IGSF9B: variants seen among roughly 807,000 people sequenced by gnomAD.
IGSF9B encodes protein turtle homolog B.
IGSF9B carries 48 observed loss-of-function variants against 143.7 expected under a neutral mutation model. The observed-to-expected ratio is 0.33, with a 90% confidence interval of 0.26 to 0.42. IGSF9B has a LOEUF of 0.42. IGSF9B is among the 20% of genes least tolerant of loss of function. The pLI is 1.00. For synonymous variants in IGSF9B, 903 were observed against 833.1 expected, an observed-to-expected ratio of 1.08 and a Z score of -1.44; for missense variants, 1,706 against 1,980.0, an observed-to-expected ratio of 0.86 and a Z score of 2.63.
chr11:133,909,380 G>T lies in IGSF9B; in HGVS notation c.4106-103C>A. On this transcript the variant is annotated intron_variant, in intron 19 of 19. Coordinates refer to ENST00000533871, the MANE Select transcript of IGSF9B (RefSeq NM_001277285.4). This position sits in a 1 kb window ranked among gnomAD's most constrained non-coding sequence, Gnocchi z 4.2. ...CCTGCATTTGTTCCGGGTTTCTAAT[G>T]TTGAAACAAAGGAATCACCTGAGTC... 1 of 956,302 alleles carries T rather than the reference G, an allele frequency of 1.0e-6. No homozygotes were observed. The highest frequency in any genetic ancestry group is 1.6e-6 in the Non-Finnish European group (1 of 631,640). 59.2% of individuals were successfully genotyped at this position (956,302 alleles called of 1,614,324 possible). A position where few individuals can be genotyped will look rare whatever the true frequency, so the allele number is the denominator to read the frequency against.
chr11:133,938,252 A>T (rs1322583904), intron 3 of IGSF9B, among the ~76,000 whole-genome samples: 3 of 152,094 alleles, frequency 2.0e-5, no homozygotes, highest in Non-Finnish European at 4.4e-5. Flanking sequence ...GCCTGCTCCC[A>T]GCTCCTCAGG....
intron 3 of IGSF9B, among the ~76,000 whole-genome samples, chr11:133,938,380 C>T (rs1939864483): frequency 6.6e-6 from 1 of 152,138 alleles, no homozygotes; most frequent in African/African-American, 2.4e-5. Context: ...GCCGTCGGAG[C>T]CCTACCAAGA....
At position 133,922,678 on chromosome 11, in the gene IGSF9B, C is replaced by T; in HGVS notation, c.2172G>A (p.Leu724=). 1 of 1,591,514 alleles carries T rather than the reference C, an allele frequency of 6.3e-7. No individual in the cohort carries two copies. The highest frequency in any genetic ancestry group is 8.5e-7 in the Non-Finnish European group (1 of 1,169,712). Residue 724 remains leucine, a synonymous_variant, in exon 16 of 20, where the codon CTG becomes CTA. Transcript: ENST00000533871. Reference sequence around the variant, plus strand: ...AGCAGATGGTAGCTACGATTCCCGCCAGCACAGGCCGCGCCAGCCCATCCT... The same window carrying T: ...AGCAGATGGTAGCTACGATTCCCGCTAGCACAGGCCGCGCCAGCCCATCCT... ...LTEDGLARPV[L]AGIVATICFL...
In IGSF9B at chr11:133,920,041, G is replaced by A; in HGVS notation, c.3684C>T (p.Leu1228=). The change falls in exon 18 of 20, where the codon CTC becomes CTT. Residue 1228 remains leucine, a synonymous_variant. Transcript: ENST00000533871. ...LAARARPRPG[L]LQQAEMSEIT... Reference sequence around the variant, plus strand: ...TCTCTGACATCTCTGCCTGCTGCAGGAGGCCCGGGCGAGGCCGGGCACGGG... The same window carrying A: ...TCTCTGACATCTCTGCCTGCTGCAGAAGGCCCGGGCGAGGCCGGGCACGGG... 6.4e-7 allele frequency: 1 copy of A among 1,572,016 alleles called. No individual in the cohort carries two copies.
chr11:133,948,054 T>C lies in IGSF9B; in HGVS notation c.65-1796A>G, dbSNP rs1479467997. Reference sequence around the variant, plus strand: ...CCCTGTTTCTGTCTACCAGCATGTGTGCGTGTGTGTGTGTGTGTGTGTGTG... The same window carrying C: ...CCCTGTTTCTGTCTACCAGCATGTGCGCGTGTGTGTGTGTGTGTGTGTGTG... On this transcript the variant is annotated intron_variant, in intron 1 of 19. Transcript: ENST00000533871. The surrounding 1 kb of genome is among the most constrained non-coding windows in gnomAD (Gnocchi z 4.7). Among the ~76,000 whole-genome samples the C allele has an allele frequency of 3.8e-5, 3 of 79,812 alleles. No individual in the cohort carries two copies. The highest frequency in any genetic ancestry group is 1.5e-4 in the Admixed American group (1 of 6,486). The allele number at this position is 79,812 out of a possible 152,430, so 52.4% of individuals were successfully genotyped here. A position where few individuals can be genotyped will look rare whatever the true frequency, so the allele number is the denominator to read the frequency against.
intron 3 of IGSF9B, among the ~76,000 whole-genome samples, chr11:133,940,219 C>T (rs532189337): frequency 2.4e-4 from 34 of 144,110 alleles, no homozygotes; most frequent in African/African-American, 8.3e-4. Flanking sequence ...CATCCTCGCA[C>T]GCGTCATCGC....
chr11:133,940,216 G>A (rs1176317877), intron 3 of IGSF9B, among the ~76,000 whole-genome samples: 2 of 122,020 alleles, frequency 1.6e-5, no homozygotes, highest in South Asian at 2.7e-4. Context: ...GCACATCCTC[G>A]CACGCGTCAT....
rs1939807468 is a variant in IGSF9B, at chr11:133,935,605, A to G, written c.967+12T>C. Reference sequence around the variant, plus strand: ...AGCCCCACCACCCAGGCTCCCCTGCACCCCTACTCACACTGCACGGTCAGG... The same window carrying G: ...AGCCCCACCACCCAGGCTCCCCTGCGCCCCTACTCACACTGCACGGTCAGG... On this transcript the variant is annotated intron_variant, in intron 7 of 19. Coordinates refer to ENST00000533871, the MANE Select transcript of IGSF9B (RefSeq NM_001277285.4). The G allele has an allele frequency of 6.2e-7, 1 of 1,605,056 alleles. No individual in the cohort carries two copies. The highest frequency in any genetic ancestry group is 8.5e-7 in the Non-Finnish European group (1 of 1,176,450).
chr11:133,940,389 T>C (rs1311320474), intron 3 of IGSF9B, among the ~76,000 whole-genome samples: 2 of 119,974 alleles, frequency 1.7e-5, no homozygotes, highest in African/African-American at 3.2e-5. Flanking sequence ...CTCGCATGCG[T>C]CATCGCATGC....
In IGSF9B at chr11:133,946,119, G is replaced by A. The variant is rs1940045863; in HGVS notation, c.204C>T (p.Pro68=). The A allele has an allele frequency of 6.2e-7, 1 of 1,610,386 alleles. No individual in the cohort carries two copies. The highest frequency in any genetic ancestry group is 1.1e-5 in the South Asian group (1 of 90,148). Residue 68 remains proline (P), a synonymous_variant, in exon 2 of 20, where the codon CCC becomes CCT. Coordinates refer to ENST00000533871, the MANE Select transcript of IGSF9B (RefSeq NM_001277285.4). ...AGCCAAACTTGATGAAGATAGGGAT[G>A]GGGACCCCGAACTTGAACCACTCTA... ...YVVEWFKFGV[P]IPIFIKFGYY...
chr11:133,950,992 G>A (rs1020625708), intron 1 of IGSF9B, among the ~76,000 whole-genome samples: 9 of 152,076 alleles, frequency 5.9e-5, no homozygotes, highest in Non-Finnish European at 1.2e-4. Context: ...TCCCTGCTGA[G>A]TCCAAAAAAG....
intron 16 of IGSF9B, among the ~76,000 whole-genome samples, 156 bp from the exon 17 acceptor site, chr11:133,922,378 C>T (rs1939557293): frequency 6.6e-6 from 1 of 152,188 alleles, no homozygotes; most frequent in Non-Finnish European, 1.5e-5. Flanking sequence ...CTAGCTTGGG[C>T]CCCAGCAGCC....
chr11:133,936,267 C>T lies in IGSF9B; in HGVS notation c.680-73G>A, dbSNP rs1283073205. The stretch of plus-strand genomic sequence containing the variant: ...AGCAGCACCCAGGCCTCCTGGGAGC[C>T]CTCAGTGCCTCAGGAAGCGGTGCCC... On this transcript the variant is annotated intron_variant, in intron 5 of 19. Transcript: ENST00000533871. 3 of 1,393,694 alleles carry T rather than the reference C, an allele frequency of 2.2e-6. No homozygotes were observed. The East Asian group carries it at 7.4e-5, about 34-fold the overall frequency. The allele number at this position is 1,393,694 out of a possible 1,614,324, so 86.3% of individuals were successfully genotyped here.
chr11:133,930,676 T>A (rs935678255), intron 11 of IGSF9B, among the ~76,000 whole-genome samples: 2 of 152,156 alleles, frequency 1.3e-5, no homozygotes, highest in Admixed American at 1.3e-4. Context: ...CCTAAGGCCC[T>A]TAAACTCAAG....
rs1555082800 is a variant in IGSF9B, at chr11:133,902,554, T to TACACACACCCCAC, written c.*6514_*6515insGTGGGGTGTGTGT. ...ACACACATATACCACACACACCACATACACACACACACCCCACACACACAC... is the reference window on the plus strand; with the variant it reads ...ACACACATATACCACACACACCACATACACACACCCCACACACACACACACCCCACACACACAC... On this transcript the variant is annotated 3_prime_UTR_variant, in exon 20 of 20. Coordinates refer to ENST00000533871, the MANE Select transcript of IGSF9B (RefSeq NM_001277285.4). 4.5e-5 allele frequency among the ~76,000 whole-genome samples: 5 copies of TACACACACCCCAC among 110,394 alleles called. No individual in the cohort carries two copies. The highest frequency in any genetic ancestry group is 6.7e-4 in the South Asian group (2 of 2,966). 72.4% of individuals were successfully genotyped at this position (110,394 alleles called of 152,430 possible). A position where few individuals can be genotyped will look rare whatever the true frequency, so the allele number is the denominator to read the frequency against.
intron 1 of IGSF9B, among the ~76,000 whole-genome samples, chr11:133,950,595 C>A (rs1346213716): frequency 6.6e-6 from 1 of 152,220 alleles, no homozygotes; most frequent in African/African-American, 2.4e-5. Flanking sequence ...ACCCACTGAG[C>A]CTCACTTTTC....
intron 17 of IGSF9B, 83 bp from the exon 18 acceptor site, chr11:133,921,480 C>T: frequency 2.8e-6 from 3 of 1,064,558 alleles, no homozygotes; most frequent in Middle Eastern, 3.1e-4. Flanking sequence ...TCGGCAACCA[C>T]CCAGCACCCA....
intron 2 of IGSF9B, 59 bp from the exon 3 acceptor site, chr11:133,944,425 CG>C: frequency 6.4e-7 from 1 of 1,554,064 alleles, no homozygotes. Context: ...AGCAGCTCCC[CG>C]CCCCCTGCCC....
At chr11:133,926,470 AG>A (rs1339123331) in intron 13 of IGSF9B, among the ~76,000 whole-genome samples, 1 of 152,194 alleles carries the variant, frequency 6.6e-6, no homozygotes, top group Non-Finnish European at 1.5e-5. Flanking sequence ...TCCAGAGCAG[AG>A]CAAACACAAC....
Sources: gnomAD v4.1 joint callset for allele counts (sites outside exome capture counted in the v4.1 genomes callset) on GRCh38, gnomAD v4.1.1 for gene constraint, Gnocchi (gnomAD v3.1) non-coding constraint, MANE v1.5 for transcripts, NCBI Gene and HGNC (gene_info 2026-07-23, HGNC 2026-07-21) for gene names.